The following SPAG17 variants were observed in gnomAD, a reference collection of about 807,000 sequenced individuals.
SPAG17 encodes the protein sperm associated antigen 17.
SPAG17 carries 169 observed loss-of-function variants against 273.6 expected under a neutral mutation model. That is an observed-to-expected ratio of 0.62 (90% CI 0.55 to 0.70). The LOEUF (loss-of-function observed/expected upper bound fraction) is 0.70, where lower values mean the gene tolerates loss of function less well. Among genes scored for constraint, SPAG17 ranks in the 30% least tolerant of loss-of-function variants. The pLI, the probability that SPAG17 is intolerant of heterozygous loss-of-function variation, is 0.00. For missense variants in SPAG17, 2,557 were observed against 2,627.8 expected (o/e 0.97, Z 0.59); for synonymous variants, 825 against 873.2 (o/e 0.94, Z 0.97).
At chr1:118,091,746 C>T (rs772964601) in intron 9 of SPAG17, 28 bp from the exon 10 acceptor site, 12 of 1,462,678 alleles carry the variant, frequency 8.2e-6, no homozygotes, top group South Asian at 1.1e-5. Flanking sequence ...TACCATTGCC[C>T]AATTAAGTTG....
At chr1:117,989,419 C>T (rs749457220) in intron 38 of SPAG17, among the ~76,000 whole-genome samples, 1 of 151,968 alleles carries the variant, frequency 6.6e-6, no homozygotes, top group South Asian at 2.1e-4. Context: ...ATGCCAGACT[C>T]ATTTTACCAA....
Position 118,101,860 on chromosome 1 carries a change from C to T in SPAG17, c.514G>A (p.Ala172Thr). ...GKAKSPKEKK[A>T]PSAKPAKGKG... ...CCTTTGGCAGGCTTGGCACTTGGAG[C>T]CTTTTTCTCCTTGGGAGATTTTGCT... Residue 172 changes from alanine to threonine, a missense_variant, in exon 5 of 49, where the codon GCT becomes ACT. By Grantham distance (58) the Ala-to-Thr change is moderately conservative. Coordinates refer to ENST00000336338, the MANE Select transcript of SPAG17 (RefSeq NM_206996.4). 1 of 1,613,982 alleles carries T rather than the reference C, an allele frequency of 6.2e-7. No homozygotes were observed. Among genetic ancestry groups the T allele is most frequent in the Non-Finnish European group, 8.5e-7 (1 of 1,179,950 alleles).
At chr1:118,083,109 C>T (rs1654716264) in intron 13 of SPAG17, among the ~76,000 whole-genome samples, 1 of 152,156 alleles carries the variant, frequency 6.6e-6, no homozygotes, top group Non-Finnish European at 1.5e-5. Context: ...AGGCACGTGC[C>T]ACCACACCCG....
At chr1:118,136,793 GTGTGTGTA>G (rs941130089) in intron 3 of SPAG17, among the ~76,000 whole-genome samples, 4 of 97,724 alleles carry the variant, frequency 4.1e-5, no homozygotes, top group African/African-American at 1.2e-4. Flanking sequence ...TAAAGTGTGT[GTGTGTGTA>G]TGTGTGTGTG....
intron 18 of SPAG17, among the ~76,000 whole-genome samples, chr1:118,060,649 C>T (rs568126411): frequency 2.3e-4 from 35 of 152,180 alleles, no homozygotes; most frequent in Non-Finnish European, 3.8e-4. Flanking sequence ...TTTCACATTG[C>T]TATTTAGTGT....
chr1:118,152,505 A>G (rs1659442853), intron 1 of SPAG17, among the ~76,000 whole-genome samples: 1 of 152,226 alleles, frequency 6.6e-6, no homozygotes, highest in South Asian at 2.1e-4. Context: ...TTACCATCAA[A>G]GAGCAATTGT....
chr1:118,131,930 C>T (rs570431236), intron 3 of SPAG17, among the ~76,000 whole-genome samples: 97 of 152,314 alleles, frequency 6.4e-4, no homozygotes, highest in African/African-American at 2.3e-3. Flanking sequence ...TTCCCCTTGC[C>T]ATTAATTCAT....
chr1:118,150,561 A>T lies in SPAG17; in HGVS notation c.297T>A (p.Asn99Lys). ...CACTTACCTCATAATATAAAGGAGCATTACCACCTACAGGTTTTTTTGCCT... is the reference window on the plus strand; with the variant it reads ...CACTTACCTCATAATATAAAGGAGCTTTACCACCTACAGGTTTTTTTGCCT... Reference protein sequence around the residue: ...SKKAKKPVGGNAPLYYEVLTA... With the variant: ...SKKAKKPVGGKAPLYYEVLTA... The change falls in exon 3 of 49, where the codon AAT becomes AAA. Residue 99 changes from asparagine (N) to lysine (K), a missense_variant. Asn to Lys is a moderately conservative substitution (Grantham distance 94, BLOSUM62 0). Coordinates refer to ENST00000336338, the MANE Select transcript of SPAG17 (RefSeq NM_206996.4). 6.3e-7 allele frequency: 1 copy of T among 1,574,960 alleles called. No individual in the cohort carries two copies. The highest frequency in any genetic ancestry group is 8.7e-7 in the Non-Finnish European group (1 of 1,150,176).
At chr1:118,129,505 C>G (rs1657935287) in intron 3 of SPAG17, among the ~76,000 whole-genome samples, 1 of 152,116 alleles carries the variant, frequency 6.6e-6, no homozygotes, top group Non-Finnish European at 1.5e-5. Context: ...ATTTGAGAAC[C>G]ATTGTTTTGT....
chr1:118,137,120 T>A (rs1025711236), intron 3 of SPAG17, among the ~76,000 whole-genome samples: 9 of 152,198 alleles, frequency 5.9e-5, no homozygotes, highest in Non-Finnish European at 1.2e-4. Context: ...TCTTTGAGCA[T>A]GCAACAAGAG....
At chr1:118,097,239 A>G (rs578198161) in intron 7 of SPAG17, among the ~76,000 whole-genome samples, 3 of 151,118 alleles carry the variant, frequency 2.0e-5, no homozygotes, top group African/African-American at 7.2e-5. Context: ...AAAAAAAAAA[A>G]AGGGGGGAAT....
intron 40 of SPAG17, among the ~76,000 whole-genome samples, chr1:117,986,939 T>G (rs1446913342): frequency 6.6e-6 from 1 of 152,144 alleles, no homozygotes; most frequent in Non-Finnish European, 1.5e-5. Context: ...GAGGTGCCCT[T>G]GAAATACCCA....
intron 3 of SPAG17, among the ~76,000 whole-genome samples, chr1:118,130,575 A>C (rs1470929245): frequency 1.3e-5 from 2 of 152,300 alleles, no homozygotes; most frequent in East Asian, 3.9e-4. Flanking sequence ...AGACTGCGGT[A>C]GAATGGCATT....
chr1:118,175,019 CTCTT>C (rs1258229971), intron 1 of SPAG17, among the ~76,000 whole-genome samples: 2 of 36,892 alleles, frequency 5.4e-5, no homozygotes, highest in Non-Finnish European at 5.5e-5. Flanking sequence ...TGGAAGGGGA[CTCTT>C]ATTTATTTAT....
intron 15 of SPAG17, among the ~76,000 whole-genome samples, chr1:118,077,894 G>A (rs1206696411): frequency 6.6e-6 from 1 of 152,156 alleles, no homozygotes; most frequent in Non-Finnish European, 1.5e-5. Context: ...AGACACAGTG[G>A]AGGAAGCACT....
At chr1:118,047,870 A>G (rs1427103478) in intron 20 of SPAG17, among the ~76,000 whole-genome samples, 1 of 152,132 alleles carries the variant, frequency 6.6e-6, no homozygotes, top group Admixed American at 6.5e-5. Context: ...CCCCTGTGGC[A>G]CCAGGTTTCA....
intron 38 of SPAG17, among the ~76,000 whole-genome samples, chr1:117,989,455 T>C (rs529433674): frequency 6.6e-6 from 1 of 151,182 alleles, no homozygotes; most frequent in African/African-American, 2.4e-5. Context: ...ACTAATAGAG[T>C]GGGAATTCAC....
chr1:118,092,115 C>A, intron 8 of SPAG17, 113 bp from the exon 9 acceptor site: 1 of 871,580 alleles, frequency 1.1e-6, no homozygotes, highest in Admixed American at 2.1e-5. Context: ...TAATTATGTT[C>A]ACACCACAAA....
chr1:118,078,997 T>C (rs1019493061), intron 15 of SPAG17, among the ~76,000 whole-genome samples: 2 of 152,072 alleles, frequency 1.3e-5, no homozygotes, highest in Non-Finnish European at 2.9e-5. Flanking sequence ...TCTATGTTCG[T>C]GAATGAGTTT....
Sources: gnomAD v4.1 joint callset for allele counts (sites outside exome capture counted in the v4.1 genomes callset) on GRCh38, gnomAD v4.1.1 for gene constraint, MANE v1.5 for transcripts, NCBI Gene and HGNC (gene_info 2026-07-23, HGNC 2026-07-21) for gene names.